AKAP6: variants seen among roughly 807,000 people sequenced by gnomAD.
AKAP6 encodes the protein A-kinase anchoring protein 6.
AKAP6 carries 58 observed loss-of-function variants against 188.5 expected under a neutral mutation model. The observed-to-expected ratio is 0.31, with a 90% CI of 0.25 to 0.38. AKAP6 has a LOEUF of 0.38. AKAP6 is among the 10% of genes least tolerant of loss of function. The pLI, the probability that AKAP6 is intolerant of heterozygous loss-of-function variation, is 1.00. For synonymous variants in AKAP6, 989 were observed against 998.6 expected (o/e 0.99, Z 0.18); for missense variants, 2,710 against 2,740.0 (o/e 0.99, Z 0.24).
chr14:32,661,344 A>G (rs1421443299), intron 7 of AKAP6, among the ~76,000 whole-genome samples: 4 of 152,104 alleles, frequency 2.6e-5, no homozygotes, highest in African/African-American at 9.7e-5. Context: ...ATGAGGCTTC[A>G]TTGCTTACCA....
chr14:32,361,672 T>G (rs1281336175), intron 1 of AKAP6, among the ~76,000 whole-genome samples: 1 of 152,192 alleles, frequency 6.6e-6, no homozygotes, highest in Non-Finnish European at 1.5e-5. Flanking sequence ...TTTGTATTGG[T>G]TTTTATTAAA....
chr14:32,801,293 T>C (rs568640831), intron 12 of AKAP6, among the ~76,000 whole-genome samples: 36 of 152,334 alleles, frequency 2.4e-4, no homozygotes, highest in Middle Eastern at 3.4e-3. Context: ...AATGTATCAA[T>C]TATATTTCTC....
Position 32,546,495 on chromosome 14 carries a change from C to T in AKAP6, c.1842C>T (p.Val614=). 6.2e-7 allele frequency: 1 copy of T among 1,614,166 alleles called. No individual in the cohort carries two copies. Among genetic ancestry groups the T allele is most frequent in the Non-Finnish European group, 8.5e-7 (1 of 1,180,024 alleles). ...KKGQASSPSH[V]TRNGEVVEAW... ...GTCAAGCCTCCTCTCCAAGTCACGT[C>T]ACTAGGAATGGTGAGGTTGTGGAGG... is the stretch of plus-strand genomic sequence containing the variant. Residue 614 remains valine (V), a synonymous_variant, in exon 4 of 14, where the codon GTC becomes GTT. Coordinates refer to ENST00000280979, the MANE Select transcript of AKAP6 (RefSeq NM_004274.5).
chr14:32,494,187 C>T (rs896101823), intron 2 of AKAP6: 2 of 152,136 alleles, frequency 1.3e-5, no homozygotes, highest in Non-Finnish European at 2.9e-5. Context: ...AATCTCCAAC[C>T]CAGGAAATTC....
At chr14:32,778,841 C>A (rs1379430826) in intron 12 of AKAP6, among the ~76,000 whole-genome samples, 2 of 151,196 alleles carry the variant, frequency 1.3e-5, no homozygotes, top group East Asian at 3.9e-4. Context: ...GTCGCCATGC[C>A]TAGCTTATAA....
chr14:32,831,402 A>G lies in AKAP6; in HGVS notation c.*1597A>G, dbSNP rs570760771. The stretch of plus-strand genomic sequence containing the variant: ...TATCCCTTTATTTTGACACTAAAAC[A>G]TGGACACAACTAGAAAGAGGTACAA... On this transcript the variant is annotated 3_prime_UTR_variant, in exon 14 of 14. Transcript: ENST00000280979. 1.3e-5 allele frequency: 2 copies of G among 152,232 alleles called. No homozygotes were observed. The highest frequency in any genetic ancestry group is 2.9e-5 in the Non-Finnish European group (2 of 68,030). 9.4% of individuals were successfully genotyped at this position (152,232 alleles called of 1,614,324 possible).
intron 9 of AKAP6, among the ~76,000 whole-genome samples, chr14:32,712,979 C>A (rs1293787793): frequency 2.0e-5 from 3 of 151,396 alleles, no homozygotes; most frequent in African/African-American, 7.3e-5. Flanking sequence ...CTATCTATGG[C>A]AGCTATAGCC....
chr14:32,615,793 A>G (rs530789852), intron 7 of AKAP6, among the ~76,000 whole-genome samples: 5 of 151,910 alleles, frequency 3.3e-5, no homozygotes, highest in African/African-American at 1.2e-4. Flanking sequence ...ACGGGGTTTC[A>G]CCATATTAGC....
chr14:32,358,481 T>C (rs140265205), intron 1 of AKAP6, among the ~76,000 whole-genome samples: 63 of 152,304 alleles, frequency 4.1e-4, no homozygotes, highest in African/African-American at 1.4e-3. Flanking sequence ...ATACACTTTA[T>C]TTCCCTTGTT....
intron 5 of AKAP6, among the ~76,000 whole-genome samples, chr14:32,582,554 A>T (rs144521216): frequency 1.3e-5 from 2 of 151,912 alleles, no homozygotes; most frequent in Non-Finnish European, 2.9e-5. Flanking sequence ...AGACTGGGGA[A>T]GTTCTCCAGG....
chr14:32,827,634 G>T (rs1426529964), intron 13 of AKAP6, among the ~76,000 whole-genome samples: 1 of 152,052 alleles, frequency 6.6e-6, no homozygotes, highest in African/African-American at 2.4e-5. Flanking sequence ...AAATAGAGGG[G>T]TCAGTTACAG....
At chr14:32,509,505 A>G (rs1881063338) in intron 2 of AKAP6, among the ~76,000 whole-genome samples, 1 of 152,062 alleles carries the variant, frequency 6.6e-6, no homozygotes, top group African/African-American at 2.4e-5. Flanking sequence ...TTTTTTTGTA[A>G]GGAACTCACA....
intron 1 of AKAP6, among the ~76,000 whole-genome samples, chr14:32,346,322 C>A (rs1379142933): frequency 2.6e-5 from 4 of 152,154 alleles, no homozygotes; most frequent in South Asian, 4.1e-4. Flanking sequence ...TAGCACATTA[C>A]CAAAAATGTT....
chr14:32,464,385 AG>A (rs778532981), intron 2 of AKAP6, among the ~76,000 whole-genome samples: 9 of 152,178 alleles, frequency 5.9e-5, no homozygotes, highest in Non-Finnish European at 1.2e-4. Context: ...CACATCAAAA[AG>A]CTTATCCACC....
At chr14:32,627,807 C>T (rs988912375) in intron 7 of AKAP6, among the ~76,000 whole-genome samples, 7 of 152,108 alleles carry the variant, frequency 4.6e-5, no homozygotes, top group African/African-American at 1.7e-4. Context: ...TAGAAAGCCA[C>T]ATTTAACTTC....
chr14:32,802,323 TG>T, intron 12 of AKAP6, among the ~76,000 whole-genome samples: 1 of 152,206 alleles, frequency 6.6e-6, no homozygotes, highest in East Asian at 1.9e-4. Flanking sequence ...ATAAATATTT[TG>T]CCCCAAGAAT....
intron 5 of AKAP6, among the ~76,000 whole-genome samples, chr14:32,591,950 A>G (rs1021513966): frequency 6.6e-6 from 1 of 152,214 alleles, no homozygotes; most frequent in Admixed American, 6.5e-5. Context: ...CAGCCAGGGT[A>G]CAGTTTACAT....
intron 7 of AKAP6, among the ~76,000 whole-genome samples, chr14:32,637,274 C>A (rs570057796): frequency 1.3e-5 from 2 of 152,086 alleles, no homozygotes; most frequent in Admixed American, 6.6e-5. Flanking sequence ...ATGTAGTCAG[C>A]GCAGGCTGTT....
At chr14:32,584,936 C>T (rs1885161855) in intron 5 of AKAP6, among the ~76,000 whole-genome samples, 1 of 151,950 alleles carries the variant, frequency 6.6e-6, no homozygotes. Flanking sequence ...TTTTTTATTG[C>T]CTTAAGAAAC....
Sources: gnomAD v4.1 joint callset for allele counts (sites outside exome capture counted in the v4.1 genomes callset) on GRCh38, gnomAD v4.1.1 for gene constraint, MANE v1.5 for transcripts, NCBI Gene and HGNC (gene_info 2026-07-23, HGNC 2026-07-21) for gene names.